ALG9: variants seen among roughly 807,000 people sequenced by gnomAD.
ALG9 encodes the protein ALG9 alpha-1,2-mannosyltransferase.
A neutral mutation model predicts 81.8 loss-of-function variants in ALG9; 55 were observed. The observed-to-expected ratio is 0.67, with a 90% CI of 0.54 to 0.84. The LOEUF is 0.84. ALG9 is among the 40% of genes least tolerant of loss of function. The probability of loss-of-function intolerance (pLI) is 0.00; values close to 1 mark genes in which losing one functional copy is unlikely to be tolerated. For synonymous variants in ALG9, 278 were observed against 274.3 expected (o/e 1.01, Z -0.13); for missense variants, 629 against 745.0 (o/e 0.84, Z 1.81).
At chr11:111,789,240 A>G (rs1259242871) in intron 14 of ALG9, among the ~76,000 whole-genome samples, 1 of 152,004 alleles carries the variant, frequency 6.6e-6, no homozygotes, top group Non-Finnish European at 1.5e-5. Context: ...GAACAAAGAT[A>G]AATTATACTT....
intron 3 of ALG9, among the ~76,000 whole-genome samples, chr11:111,868,049 C>A (rs1353841981): frequency 3.3e-5 from 5 of 152,088 alleles, no homozygotes; most frequent in Admixed American, 6.6e-5. Flanking sequence ...GAAGAGGAAA[C>A]CGGACAGGGC....
At chr11:111,817,343 G>A (rs1227836658) in intron 13 of ALG9, 3 of 152,234 alleles carry the variant, frequency 2.0e-5, no homozygotes, top group African/African-American at 7.2e-5. Flanking sequence ...ATTCAGTTGT[G>A]AAGTGATAAT....
chr11:111,789,747 G>A (rs782239075), intron 14 of ALG9, among the ~76,000 whole-genome samples: 3 of 151,666 alleles, frequency 2.0e-5, no homozygotes, highest in Non-Finnish European at 4.4e-5. Flanking sequence ...TTGAACCTGG[G>A]GGGTAGAAGT....
intron 13 of ALG9, among the ~76,000 whole-genome samples, chr11:111,816,612 A>G (rs1951519472): frequency 6.6e-6 from 1 of 150,500 alleles, no homozygotes; most frequent in South Asian, 2.1e-4. Context: ...GCTGGAGTGC[A>G]ATGATGTGAT....
chr11:111,868,878 T>A, intron 2 of ALG9, 142 bp from the exon 3 acceptor site: 1 of 823,674 alleles, frequency 1.2e-6, no homozygotes, highest in Non-Finnish European at 1.7e-6. Flanking sequence ...CCCAGCACTT[T>A]GGGAGGGCAA....
At position 111,786,131 on chromosome 11, in the gene ALG9, G is replaced by A. The variant is rs1555063070; in HGVS notation, c.*266C>T. On this transcript the variant is annotated 3_prime_UTR_variant, in exon 15 of 15. Transcript: ENST00000616540. ...TTGAACAGAGGAAAAACAATGAGAT[G>A]TGGAGCAATATATCTATCTGTGCTT... The A allele has an allele frequency of 1.9e-6, 1 of 527,622 alleles. No individual in the cohort carries two copies. The highest frequency in any genetic ancestry group is 2.2e-5 in the Admixed American group (1 of 44,730). The allele number at this position is 527,622 out of a possible 1,614,324, so 32.7% of individuals were successfully genotyped here.
intron 13 of ALG9, among the ~76,000 whole-genome samples, chr11:111,824,670 T>C (rs1197409005): frequency 2.0e-5 from 3 of 152,234 alleles, no homozygotes; most frequent in Non-Finnish European, 4.4e-5. Context: ...TCAGTTAGTT[T>C]GCATTATTAT....
intron 14 of ALG9, among the ~76,000 whole-genome samples, chr11:111,795,366 C>T (rs1309109776): frequency 1.3e-5 from 2 of 152,036 alleles, no homozygotes; most frequent in African/African-American, 4.8e-5. Context: ...CAGAGCAAAG[C>T]AGAAGTCTAG....
chr11:111,810,978 C>G (rs1028444317), intron 13 of ALG9, among the ~76,000 whole-genome samples: 3 of 151,972 alleles, frequency 2.0e-5, no homozygotes, highest in Non-Finnish European at 4.4e-5. Flanking sequence ...TAGGGTAAGA[C>G]TAGAAAAAGA....
chr11:111,810,955 AG>A (rs1950616638), intron 13 of ALG9, among the ~76,000 whole-genome samples: 1 of 152,210 alleles, frequency 6.6e-6, no homozygotes, highest in African/African-American at 2.4e-5. Flanking sequence ...ACTGTATTAG[AG>A]GATCTAGTCA....
At chr11:111,859,670 T>C (rs782355469) in intron 5 of ALG9, among the ~76,000 whole-genome samples, 1 of 151,962 alleles carries the variant, frequency 6.6e-6, no homozygotes, top group Non-Finnish European at 1.5e-5. Context: ...AATCTGAGGG[T>C]AGAGCACAGA....
At chr11:111,788,036 G>A (rs900405684) in intron 14 of ALG9, among the ~76,000 whole-genome samples, 18 of 152,190 alleles carry the variant, frequency 1.2e-4, no homozygotes, top group Non-Finnish European at 2.6e-4. Flanking sequence ...TTTAAATTCT[G>A]TATGGAGTAT....
rs1555127245 is a variant in ALG9, at chr11:111,844,666, A to G, written c.953T>C (p.Phe318Ser). The change falls in exon 9 of 15, where the codon TTT (phenylalanine) becomes TCT (serine). Residue 318 changes from phenylalanine (F) to serine (S), a missense_variant. Around this residue, in one of 3 missense-constraint regions of ALG9, gnomAD observed 344 missense variants for 390.5 expected, o/e 0.88. Coordinates refer to ENST00000616540, the MANE Select transcript of ALG9 (RefSeq NM_024740.2). ...TGGTAGGACTAGGAGAGCCAAAGCAAAGGCTACATTGAAATTCAGAAATCC... is the reference window on the plus strand; with the variant it reads ...TGGTAGGACTAGGAGAGCCAAAGCAGAGGCTACATTGAAATTCAGAAATCC... ...INGFLNFNVA[F>S]ALALLVLPLT... 1.2e-6 allele frequency: 2 copies of G among 1,614,090 alleles called. No individual in the cohort carries two copies. The highest frequency in any genetic ancestry group is 1.7e-6 in the Non-Finnish European group (2 of 1,179,926).
chr11:111,813,118 AC>A (rs1950984627), intron 13 of ALG9, among the ~76,000 whole-genome samples: 1 of 152,018 alleles, frequency 6.6e-6, no homozygotes, highest in Admixed American at 6.6e-5. Context: ...TTGAACTTTA[AC>A]CTCACTCCAC....
At chr11:111,871,243 G>A (rs1566327439) in intron 1 of ALG9, 109 bp downstream of exon 1, 4 of 1,315,282 alleles carry the variant, frequency 3.0e-6, no homozygotes, top group Non-Finnish European at 3.8e-6. Context: ...GGCCTCCCGC[G>A]GTGAGGCCAG....
At chr11:111,805,410 AC>A (rs1190868538) in intron 14 of ALG9, 1 of 444,228 alleles carries the variant, frequency 2.3e-6, no homozygotes, top group Non-Finnish European at 4.5e-6. Context: ...CTTGGAAGCA[AC>A]CAAAGATGTC....
chr11:111,769,616 C>G, the ALG9 span, among the ~76,000 whole-genome samples: 996 of 131,690 alleles, frequency 7.6e-3, 13 homozygotes, highest in African/African-American at 0.028. Flanking sequence ...GACCCTGTCT[C>G]AAAAAAAAAA....
chr11:111,791,830 G>A (rs1358056968), intron 14 of ALG9, among the ~76,000 whole-genome samples: 1 of 152,222 alleles, frequency 6.6e-6, no homozygotes, highest in Non-Finnish European at 1.5e-5. Context: ...AGTGGCTTAC[G>A]CCTGTAATCC....
At chr11:111,800,905 C>T (rs998677145) in intron 14 of ALG9, among the ~76,000 whole-genome samples, 1 of 151,996 alleles carries the variant, frequency 6.6e-6, no homozygotes, top group African/African-American at 2.4e-5. Flanking sequence ...TGAGAAAAAC[C>T]ATAAAAAAAG....
Sources: gnomAD v4.1 joint callset for allele counts (sites outside exome capture counted in the v4.1 genomes callset) on GRCh38, gnomAD v4.1.1 for gene constraint, gnomAD v4.1.1 regional missense constraint, MANE v1.5 for transcripts, NCBI Gene and HGNC (gene_info 2026-07-23, HGNC 2026-07-21) for gene names.